APOBEC1: variants seen among roughly 807,000 people sequenced by gnomAD.
The protein encoded by APOBEC1 is apolipoprotein B mRNA editing enzyme catalytic subunit 1.
APOBEC1 carries 22 observed loss-of-function variants against 26.3 expected under a neutral mutation model. The ratio of observed to expected loss-of-function variants is 0.84; its 90% CI spans 0.60 to 1.19. The LOEUF (loss-of-function observed/expected upper bound fraction) is 1.19. Among genes scored for constraint, APOBEC1 ranks in the 50% most tolerant of loss-of-function variants. The pLI, the probability that APOBEC1 is intolerant of heterozygous loss-of-function variation, is 0.00. For missense variants in APOBEC1, 253 were observed against 289.0 expected, an observed-to-expected ratio of 0.88 and a Z score of 0.90; for synonymous variants, 77 against 95.3, an observed-to-expected ratio of 0.81 and a Z score of 1.12.
At chr12:7,658,445 C>T (rs1472006760) in intron 1 of APOBEC1, among the ~76,000 whole-genome samples, 2 of 152,090 alleles carry the variant, frequency 1.3e-5, no homozygotes, top group Admixed American at 6.6e-5. Context: ...ATTTTTCAGA[C>T]TCAGGCTGCG....
At chr12:7,669,384 ATTC>A (rs1863929214), upstream of APOBEC1, among the ~76,000 whole-genome samples, 1 of 152,080 alleles carries the variant, frequency 6.6e-6, no homozygotes, top group Admixed American at 6.6e-5. Context: ...CGATTTGTAT[ATTC>A]TTCTGTCGAT....
At chr12:7,661,037 C>A (rs377282358) in intron 1 of APOBEC1, among the ~76,000 whole-genome samples, 580 of 90,606 alleles carry the variant, frequency 6.4e-3, no homozygotes, top group Admixed American at 7.3e-3. Context: ...ACTAAAAATA[C>A]AAAAAAAAAA....
rs187059919 is a variant in APOBEC1 at position 7,653,209 on chromosome 12, C to T, written c.45-374G>A. 3.9e-5 allele frequency among the ~76,000 whole-genome samples: 6 copies of T among 152,102 alleles called. No homozygotes were observed. In the East Asian group the frequency reaches 5.8e-4, roughly 15 times the overall value. On this transcript the variant is annotated intron_variant, in intron 2 of 4. Transcript: ENST00000229304. ...CCTCCCAAAGTGCTGGGATTACAGG[C>T]GTGAGCCACCACGCCCAGCCTCTGC... is the stretch of plus-strand genomic sequence containing the variant.
upstream of APOBEC1, among the ~76,000 whole-genome samples, chr12:7,667,916 A>AG (rs1863912918): frequency 1.3e-5 from 1 of 74,114 alleles, no homozygotes; most frequent in Non-Finnish European, 3.6e-5. Context: ...CGTCTAAAAA[A>AG]AAAAAGAAAA....
rs370874683 is a variant in APOBEC1 at position 7,651,611 on chromosome 12, C to CA, written c.443-471dup. Among the ~76,000 whole-genome samples, 836 of 111,092 alleles carry CA rather than the reference C, an allele frequency of 7.5e-3. 5 individuals are homozygous for CA. Among genetic ancestry groups the CA allele is most frequent in the South Asian group, 0.014 (46 of 3,402 alleles). The allele number at this position is 111,092 out of a possible 152,430, so 72.9% of individuals were successfully genotyped here. On this transcript the variant is annotated intron_variant, in intron 3 of 4. Coordinates refer to ENST00000229304, the MANE Select transcript of APOBEC1 (RefSeq NM_001644.5). The stretch of plus-strand genomic sequence containing the variant: ...TGGGCGAAAGAGCAAGACTCCGTCT[C>CA]AAAAAAAAAAAAAAAAAAGAGTTGT...
At chr12:7,654,567 A>G (rs1236417898) in intron 2 of APOBEC1, 38 bp downstream of exon 2, 1 of 1,607,738 alleles carries the variant, frequency 6.2e-7, no homozygotes, top group Non-Finnish European at 8.5e-7. Flanking sequence ...TTGATTCTTG[A>G]TCAAATTAAA....
At chr12:7,665,021 G>C (rs1407688870) in intron 1 of APOBEC1, among the ~76,000 whole-genome samples, 2 of 152,108 alleles carry the variant, frequency 1.3e-5, no homozygotes, top group African/African-American at 4.8e-5. Flanking sequence ...CCTGGGCGAA[G>C]TAGTGAACCC....
In APOBEC1 at chr12:7,664,900, TAA is replaced by T. The variant is rs397850472; in HGVS notation, c.16+955_16+956del. Among the ~76,000 whole-genome samples, 1,028 of 135,202 alleles carry T rather than the reference TAA, an allele frequency of 7.6e-3. 8 individuals are homozygous for T. The highest frequency in any genetic ancestry group is 0.026 in the African/African-American group (948 of 36,210). The allele number at this position is 135,202 out of a possible 152,430, so 88.7% of individuals were successfully genotyped here. ...CCAGCCTAGGCAACAGGGCGAGTCT[TAA>T]AAAAAAAAAAAAAAAAATTTGGTTA... On this transcript the variant is annotated intron_variant, in intron 1 of 4. Transcript: ENST00000229304.
chr12:7,658,742 C>G (rs1383238715), intron 1 of APOBEC1, among the ~76,000 whole-genome samples: 1 of 151,728 alleles, frequency 6.6e-6, no homozygotes, highest in African/African-American at 2.4e-5. Context: ...CACCTTAGGT[C>G]AGGAGTTTGA....
intron 1 of APOBEC1, among the ~76,000 whole-genome samples, chr12:7,663,672 A>G (rs943246513): frequency 2.0e-5 from 3 of 152,176 alleles, no homozygotes; most frequent in African/African-American, 7.2e-5. Flanking sequence ...ACGGTGAGAC[A>G]TATGCTGTGT....
chr12:7,657,853 G>T (rs534020874), intron 1 of APOBEC1, among the ~76,000 whole-genome samples: 2 of 152,102 alleles, frequency 1.3e-5, no homozygotes, highest in East Asian at 1.9e-4. Context: ...TCCAGCAGGG[G>T]CAAGAGAGAC....
At chr12:7,663,645 G>A (rs1384044036) in intron 1 of APOBEC1, among the ~76,000 whole-genome samples, 1 of 152,140 alleles carries the variant, frequency 6.6e-6, no homozygotes, top group Admixed American at 6.6e-5. Context: ...AAGCAGCAGT[G>A]AGAAGTTCAG....
At chr12:7,664,107 G>C (rs1382617036) in intron 1 of APOBEC1, among the ~76,000 whole-genome samples, 1 of 152,046 alleles carries the variant, frequency 6.6e-6, no homozygotes, top group Non-Finnish European at 1.5e-5. Context: ...CGCCTGCCTT[G>C]ACCTCCCAAA....
chr12:7,653,611 C>T (rs967321476), intron 2 of APOBEC1, among the ~76,000 whole-genome samples: 3 of 151,654 alleles, frequency 2.0e-5, no homozygotes, highest in Non-Finnish European at 4.4e-5. Context: ...ACAGGTGTGC[C>T]CCACCATGCC....
chr12:7,658,701 G>A (rs1252309649), intron 1 of APOBEC1, among the ~76,000 whole-genome samples: 1 of 152,086 alleles, frequency 6.6e-6, no homozygotes, highest in Non-Finnish European at 1.5e-5. Context: ...CAGGCGCGGT[G>A]GCTGACTTTG....
At chr12:7,650,551 T>G in intron 4 of APOBEC1, among the ~76,000 whole-genome samples, 1 of 152,244 alleles carries the variant, frequency 6.6e-6, no homozygotes, top group East Asian at 1.9e-4. Context: ...CTTCTTGTTC[T>G]TAGGCTTAGA....
intron 2 of APOBEC1, among the ~76,000 whole-genome samples, chr12:7,653,730 TCAAATTGCCAA>T (rs1863678436): frequency 6.6e-6 from 1 of 152,204 alleles, no homozygotes; most frequent in Non-Finnish European, 1.5e-5. Context: ...TGTTGACGCC[TCAAATTGCCAA>T]CAAGATTGTA....
chr12:7,663,021 C>A (rs1863842042), intron 1 of APOBEC1, among the ~76,000 whole-genome samples: 1 of 152,084 alleles, frequency 6.6e-6, no homozygotes, highest in Admixed American at 6.6e-5. Context: ...GACTCAGAGG[C>A]TTGGGGATGT....
chr12:7,662,154 G>T lies in APOBEC1; in HGVS notation c.16+3703C>A, dbSNP rs1488545925. Among the ~76,000 whole-genome samples the T allele has an allele frequency of 6.7e-4, 102 of 151,980 alleles. 2 individuals are homozygous for T. The highest frequency in any genetic ancestry group is 4.4e-5 in the Non-Finnish European group (3 of 68,004). On this transcript the variant is annotated intron_variant, in intron 1 of 4. Coordinates refer to ENST00000229304, the MANE Select transcript of APOBEC1 (RefSeq NM_001644.5). The stretch of plus-strand genomic sequence containing the variant: ...GTGGTGTGCACCAGTAGTCCCCACT[G>T]CTCAGAAGGCTGAAGTGGGAGGATC...
Sources: gnomAD v4.1 joint callset for allele counts (sites outside exome capture counted in the v4.1 genomes callset) on GRCh38, gnomAD v4.1.1 for gene constraint, MANE v1.5 for transcripts, NCBI Gene and HGNC (gene_info 2026-07-23, HGNC 2026-07-21) for gene names.